The following RUFY1 variants were observed in gnomAD, a reference collection of about 807,000 sequenced individuals.
RUFY1 encodes the protein RUN and FYVE domain-containing protein 1.
Under a neutral mutation model 94.6 loss-of-function variants are expected in RUFY1, and 54 were observed. The observed-to-expected ratio is 0.57, with a 90% CI of 0.46 to 0.72. RUFY1 has a LOEUF of 0.72. Ranked by LOEUF, RUFY1 falls within the 30% of genes least tolerant of loss-of-function variation. The probability of loss-of-function intolerance (pLI) is 0.00; values close to 1 mark genes in which losing one functional copy is unlikely to be tolerated. For missense variants in RUFY1, 883 were observed against 883.9 expected (o/e 1.00, Z 0.01); for synonymous variants, 396 against 347.3 (o/e 1.14, Z -1.56).
intron 1 of RUFY1, among the ~76,000 whole-genome samples, chr5:179,551,167 G>A (rs1288069769): frequency 1.3e-5 from 2 of 152,232 alleles, no homozygotes; most frequent in Admixed American, 1.3e-4. Context: ...GAACTCTGTA[G>A]TAACTCCACA....
intron 15 of RUFY1, among the ~76,000 whole-genome samples, chr5:179,604,048 ACT>A (rs926601184): frequency 6.6e-6 from 1 of 152,086 alleles, no homozygotes; most frequent in East Asian, 1.9e-4. Context: ...TAAGAGTGAA[ACT>A]CTGTCTCAAA....
At chr5:179,579,880 GC>G in intron 6 of RUFY1, among the ~76,000 whole-genome samples, 1 of 151,510 alleles carries the variant, frequency 6.6e-6, no homozygotes, top group Admixed American at 6.6e-5. Flanking sequence ...TGTTGACCAG[GC>G]TGGTCTCAAA....
intron 8 of RUFY1, among the ~76,000 whole-genome samples, chr5:179,587,689 T>G (rs1176825212): frequency 6.7e-6 from 1 of 150,292 alleles, no homozygotes; most frequent in Non-Finnish European, 1.5e-5. Flanking sequence ...CATGAGCCAC[T>G]GCACCCAGCC....
At chr5:179,579,164 T>C (rs978557865) in intron 6 of RUFY1, among the ~76,000 whole-genome samples, 6 of 152,116 alleles carry the variant, frequency 3.9e-5, no homozygotes, top group African/African-American at 1.4e-4. Flanking sequence ...ACTCTCACGG[T>C]CTGAGTGCCT....
chr5:179,553,804 C>T (rs1761976700), intron 1 of RUFY1, among the ~76,000 whole-genome samples: 2 of 152,024 alleles, frequency 1.3e-5, no homozygotes, highest in South Asian at 4.1e-4. Flanking sequence ...TAATAATTAA[C>T]TCAATTTAAG....
intron 1 of RUFY1, among the ~76,000 whole-genome samples, chr5:179,554,397 A>G (rs1402701564): frequency 6.6e-6 from 1 of 151,608 alleles, no homozygotes; most frequent in Non-Finnish European, 1.5e-5. Flanking sequence ...TTAGCCAGGC[A>G]TGGTGGCGTA....
At chr5:179,606,237 T>TA in intron 16 of RUFY1, 1 of 412,864 alleles carries the variant, frequency 2.4e-6, no homozygotes, top group South Asian at 2.7e-5. Flanking sequence ...CGGATATCTT[T>TA]AAACAGTGGA....
At chr5:179,551,872 AT>A (rs1761872324) in intron 1 of RUFY1, among the ~76,000 whole-genome samples, 2 of 148,260 alleles carry the variant, frequency 1.3e-5, no homozygotes, top group Non-Finnish European at 3.0e-5. Context: ...TGAATTAAAA[AT>A]TGAGTTCCTC....
chr5:179,586,602 C>G (rs1764622278), intron 8 of RUFY1: 1 of 355,666 alleles, frequency 2.8e-6, no homozygotes, highest in Non-Finnish European at 5.6e-6. Flanking sequence ...GAGCCCATCT[C>G]TGTAATGAGG....
At chr5:179,579,232 C>T (rs900618612) in intron 6 of RUFY1, among the ~76,000 whole-genome samples, 1 of 152,198 alleles carries the variant, frequency 6.6e-6, no homozygotes. Context: ...CTTCATGCAT[C>T]CTAAGTACAA....
intron 3 of RUFY1, 141 bp downstream of exon 3, chr5:179,562,805 T>G: frequency 3.2e-6 from 2 of 627,734 alleles, no homozygotes; most frequent in East Asian, 2.7e-5. Flanking sequence ...CTAGCAAGAC[T>G]TGACTCTCTC....
chr5:179,570,322 A>G (rs1236048130), intron 5 of RUFY1, among the ~76,000 whole-genome samples: 1 of 152,252 alleles, frequency 6.6e-6, no homozygotes, highest in Non-Finnish European at 1.5e-5. Context: ...AGTGGCCAAG[A>G]ATAGATACAG....
chr5:179,598,384 T>C, intron 13 of RUFY1: 1 of 315,274 alleles, frequency 3.2e-6, no homozygotes, highest in Non-Finnish European at 5.9e-6. Flanking sequence ...AGAACGAATT[T>C]TGAGCTTCCT....
intron 5 of RUFY1, 95 bp from the exon 6 acceptor site, chr5:179,576,980 A>T: frequency 1.1e-6 from 1 of 883,284 alleles, no homozygotes; most frequent in Non-Finnish European, 1.9e-6. Context: ...TGTTCATAGG[A>T]AAGAGATAAG....
intron 13 of RUFY1, 64 bp from the exon 14 acceptor site, chr5:179,598,627 TG>T: frequency 1.9e-6 from 3 of 1,590,506 alleles, no homozygotes; most frequent in East Asian, 2.2e-5. Flanking sequence ...GGCGGTGAAT[TG>T]GGTTGTGAAT....
intron 6 of RUFY1, among the ~76,000 whole-genome samples, chr5:179,578,420 T>C (rs1415926404): frequency 6.6e-6 from 1 of 151,790 alleles, no homozygotes; most frequent in Non-Finnish European, 1.5e-5. Context: ...GGTTTCACCA[T>C]ATTGGCCAGG....
In RUFY1 at chr5:179,589,558, A is replaced by G. The variant is rs142874966; in HGVS notation, c.1039A>G (p.Thr347Ala). 1.9e-6 allele frequency: 3 copies of G among 1,613,774 alleles called. No homozygotes were observed. Among genetic ancestry groups the G allele is most frequent in the African/African-American group, 1.3e-5 (1 of 74,940 alleles). Residue 347 changes from threonine to alanine, a missense_variant, in exon 9 of 18, where the codon ACA (threonine) becomes GCA (alanine). Transcript: ENST00000319449. ...SKLQEELSAATDRICSLQEEQ... is the reference protein window; with the variant it reads ...SKLQEELSAAADRICSLQEEQ... ...TTTCCTTAATCAGCTTTCAGCTGCA[A>G]CAGACCGAATTTGCTCACTTCAAGA...
chr5:179,592,909 A>G (rs1765232650), intron 10 of RUFY1, among the ~76,000 whole-genome samples: 1 of 152,208 alleles, frequency 6.6e-6, no homozygotes. Context: ...TATGGAAAAC[A>G]TGGTTGCTGG....
At chr5:179,602,293 G>A (rs1766515130) in intron 15 of RUFY1, 2 of 317,386 alleles carry the variant, frequency 6.3e-6, no homozygotes, top group African/African-American at 2.1e-5. Context: ...GCAATGAGAG[G>A]ATCGCTTGGT....
Sources: gnomAD v4.1 joint callset for allele counts (sites outside exome capture counted in the v4.1 genomes callset) on GRCh38, gnomAD v4.1.1 for gene constraint, MANE v1.5 for transcripts, NCBI Gene and HGNC (gene_info 2026-07-23, HGNC 2026-07-21) for gene names.